IFFO1: variants seen among roughly 807,000 people sequenced by gnomAD.
IFFO1 encodes the protein non-homologous end joining factor IFFO1.
IFFO1 carries 42 observed loss-of-function variants against 59.6 expected under a neutral mutation model. The ratio of observed to expected loss-of-function variants is 0.70; its 90% CI spans 0.55 to 0.91. The LOEUF is 0.91. Ranked by LOEUF, IFFO1 falls within the 40% of genes least tolerant of loss-of-function variation. The pLI, the probability that IFFO1 is intolerant of heterozygous loss-of-function variation, is 0.00. For missense variants in IFFO1, 711 were observed against 793.2 expected (o/e 0.90, Z 1.24); for synonymous variants, 336 against 342.8 (o/e 0.98, Z 0.22).
chr12:6,548,976 T>C lies in IFFO1; in HGVS notation c.1081-127A>G, dbSNP rs1947107769. 1.8e-5 allele frequency: 14 copies of C among 780,904 alleles called. 1 individual carries two copies. In the South Asian group the frequency reaches 2.5e-4, roughly 14 times the overall value. The allele number at this position is 780,904 out of a possible 1,614,324, so 48.4% of individuals were successfully genotyped here. On this transcript the variant is annotated intron_variant, in intron 5 of 9. Transcript: ENST00000619571. This position sits in a 1 kb window ranked among gnomAD's most constrained non-coding sequence, Gnocchi z 6.1. The stretch of plus-strand genomic sequence containing the variant: ...GGCAGACAGAGAGAAAAGTCACAGT[T>C]ACAATGACAGGAACAGAAACACGGA...
chr12:6,549,717 C>A lies in IFFO1; in HGVS notation c.1071+39G>T, dbSNP rs759750811. On this transcript the variant is annotated intron_variant, in intron 4 of 9. Transcript: ENST00000619571. This position sits in a 1 kb window ranked among gnomAD's most constrained non-coding sequence, Gnocchi z 5.0. ...GCCGCCACGGAAGCATCCACCTGCC[C>A]CACCCACCCCTGAGAGCAGAGGGCA... 6.3e-7 allele frequency: 1 copy of A among 1,590,034 alleles called. No homozygotes were observed. Among genetic ancestry groups the A allele is most frequent in the Non-Finnish European group, 8.6e-7 (1 of 1,162,920 alleles).
chr12:6,550,396 G>A (rs1592219018), intron 3 of IFFO1: 2 of 503,522 alleles, frequency 4.0e-6, no homozygotes, highest in Non-Finnish European at 7.2e-6. Flanking sequence ...GGCCTCAGAG[G>A]CTGAGGAATC....
rs1946701497 is a variant in IFFO1 at position 6,541,354 on chromosome 12, A to C, written c.1610+158T>G. Among the ~76,000 whole-genome samples, 1 of 152,094 alleles carries C rather than the reference A, an allele frequency of 6.6e-6. No homozygotes were observed. The highest frequency in any genetic ancestry group is 2.4e-5 in the African/African-American group (1 of 41,422). ...AGCTCATCCAACTGCCAAGGGAGAG[A>C]GCTGTGGGTCTGGGCCAGCCCCACC... On this transcript the variant is annotated intron_variant, in intron 9 of 9. Coordinates refer to ENST00000619571, the MANE Select transcript of IFFO1 (RefSeq NM_001193457.2). This position sits in a 1 kb window ranked among gnomAD's most constrained non-coding sequence, Gnocchi z 4.8.
chr12:6,550,422 C>T (rs1947181329), intron 3 of IFFO1: 3 of 523,028 alleles, frequency 5.7e-6, no homozygotes, highest in South Asian at 2.5e-5. Flanking sequence ...AGCGCCCCGG[C>T]GCCAGCTGCA....
rs1028946205 is a variant in IFFO1 at position 6,550,464 on chromosome 12, G to A, written c.930+231C>T. On this transcript the variant is annotated intron_variant, in intron 3 of 9. Transcript: ENST00000619571. ...CCACCCCAGAAGCTGCTCACTAACT[G>A]CTCTGCAACCCCAGGCCCTCAGAAG... 5.3e-6 allele frequency: 3 copies of A among 568,442 alleles called. No homozygotes were observed. In the East Asian group the frequency reaches 8.6e-5, roughly 16 times the overall value. 35.2% of individuals were successfully genotyped at this position (568,442 alleles called of 1,614,324 possible).
In IFFO1 at chr12:6,548,462, G is replaced by A; in HGVS notation, c.1346C>T (p.Ser449Leu). 6.2e-7 allele frequency: 1 copy of A among 1,613,938 alleles called. No individual in the cohort carries two copies. The highest frequency in any genetic ancestry group is 8.5e-7 in the Non-Finnish European group (1 of 1,179,868). Reference protein sequence around the residue: ...EETLLLWEDFSGYAMAAAEAQ... With the variant: ...EETLLLWEDFLGYAMAAAEAQ... Reference sequence around the variant, plus strand: ...CTCTGCAGCTGCCATGGCATAGCCTGAGAAATCCTCCCAAAGCAGCAGGGT... The same window carrying A: ...CTCTGCAGCTGCCATGGCATAGCCTAAGAAATCCTCCCAAAGCAGCAGGGT... Residue 449 changes from serine to leucine, a missense_variant, in exon 7 of 10, where the codon TCA becomes TTA. Around this residue, in one of 3 missense-constraint regions of IFFO1, gnomAD observed 579 missense variants for 650.3 expected, o/e 0.89. Transcript: ENST00000619571. This position sits in a 1 kb window ranked among gnomAD's most constrained non-coding sequence, Gnocchi z 6.1.
chr12:6,541,738 C>A lies in IFFO1; in HGVS notation c.1480-96G>T. 1 of 1,517,192 alleles carries A rather than the reference C, an allele frequency of 6.6e-7. No homozygotes were observed. Among genetic ancestry groups the A allele is most frequent in the African/African-American group, 1.4e-5 (1 of 72,994 alleles). The allele number at this position is 1,517,192 out of a possible 1,614,324, so 94.0% of individuals were successfully genotyped here. A position where few individuals can be genotyped will look rare whatever the true frequency, so the allele number is the denominator to read the frequency against. ...GAGGCCAACACGCCAAGAGCAGTGGCTGGGCCGGGGGCCCAGGCAGCCATT... is the reference window on the plus strand; with the variant it reads ...GAGGCCAACACGCCAAGAGCAGTGGATGGGCCGGGGGCCCAGGCAGCCATT... On this transcript the variant is annotated intron_variant, in intron 8 of 9. Coordinates refer to ENST00000619571, the MANE Select transcript of IFFO1 (RefSeq NM_001193457.2). The surrounding 1 kb of genome is among the most constrained non-coding windows in gnomAD (Gnocchi z 4.8).
At chr12:6,551,489 A>G (rs1045686965) in intron 1 of IFFO1, 6 of 1,290,790 alleles carry the variant, frequency 4.6e-6, no homozygotes, top group Non-Finnish European at 6.1e-6. Flanking sequence ...GTATCATTTA[A>G]CCCTGTAAAA....
At chr12:6,545,355 A>C (rs1946903629) in intron 8 of IFFO1, among the ~76,000 whole-genome samples, 1 of 152,106 alleles carries the variant, frequency 6.6e-6, no homozygotes, top group African/African-American at 2.4e-5. Flanking sequence ...AGAAATAAAC[A>C]ATTCCTAAGT....
In IFFO1 at chr12:6,540,370, A is replaced by AG. The variant is rs1394477663; in HGVS notation, c.*112dup. 1 of 886,658 alleles carries AG rather than the reference A, an allele frequency of 1.1e-6. No individual in the cohort carries two copies. Among genetic ancestry groups the AG allele is most frequent in the Non-Finnish European group, 1.9e-6 (1 of 534,484 alleles). The allele number at this position is 886,658 out of a possible 1,614,324, so 54.9% of individuals were successfully genotyped here. A position where few individuals can be genotyped will look rare whatever the true frequency, so the allele number is the denominator to read the frequency against. On this transcript the variant is annotated 3_prime_UTR_variant, in exon 10 of 10. Transcript: ENST00000619571. ...CTGAGGGAGGAGCGCCCCAGTCCCC[A>AG]GGGACCGGCCTGGTGCAGAGCTGCA... is the stretch of plus-strand genomic sequence containing the variant.
At position 6,555,869 on chromosome 12, in the gene IFFO1, G is replaced by A; in HGVS notation, c.161C>T (p.Pro54Leu). 3.7e-6 allele frequency: 6 copies of A among 1,606,380 alleles called. No homozygotes were observed. Among genetic ancestry groups the A allele is most frequent in the Non-Finnish European group, 5.1e-6 (6 of 1,177,936 alleles). ...GGCAGGCGGGGCCGGGCCCGGCCCG[G>A]GCGGCGAGTAGGCAGCAGGGCCGGC... ...SPAGPAAYSPPGPGPAPPAAM... is the reference protein window; with the variant it reads ...SPAGPAAYSPLGPGPAPPAAM... The change falls in exon 1 of 10, where the codon CCC becomes CTC. Residue 54 changes from proline (P) to leucine (L), a missense_variant. This residue lies in a region of IFFO1 where 114 missense variants were observed against 102.4 expected (regional missense o/e 1.11). Transcript: ENST00000619571. The surrounding 1 kb of genome is among the most constrained non-coding windows in gnomAD (Gnocchi z 8.6).
At chr12:6,551,595 C>A (rs1947238558) in intron 1 of IFFO1, 1 of 658,926 alleles carries the variant, frequency 1.5e-6, no homozygotes, top group South Asian at 1.5e-5. Context: ...AACTACCCAC[C>A]CAGAGCCTCC....
intron 1 of IFFO1, among the ~76,000 whole-genome samples, chr12:6,554,172 G>A (rs763155231): frequency 1.6e-4 from 24 of 151,800 alleles, no homozygotes; most frequent in Non-Finnish European, 3.2e-4. Flanking sequence ...AGACCCAGCG[G>A]TCATTTCCTA....
intron 1 of IFFO1, among the ~76,000 whole-genome samples, chr12:6,554,081 T>TG (rs1415060361): frequency 1.4e-5 from 2 of 143,444 alleles, no homozygotes; most frequent in East Asian, 1.9e-4. Context: ...TTATCATTTA[T>TG]GGGAAAAAAA....
At chr12:6,547,684 A>G (rs1307205889) in intron 8 of IFFO1, among the ~76,000 whole-genome samples, 2 of 151,796 alleles carry the variant, frequency 1.3e-5, no homozygotes, top group South Asian at 2.1e-4. Context: ...TTGTCTCAAA[A>G]AAGAAAGGAC....
At chr12:6,547,775 G>A (rs530333237) in intron 8 of IFFO1, among the ~76,000 whole-genome samples, 33 of 147,180 alleles carry the variant, frequency 2.2e-4, no homozygotes, top group Non-Finnish European at 3.6e-4. Context: ...AAGGAAGGAA[G>A]GAAAGAAAGG....
At chr12:6,543,175 T>C (rs944389218) in intron 8 of IFFO1, among the ~76,000 whole-genome samples, 1 of 152,164 alleles carries the variant, frequency 6.6e-6, no homozygotes, top group Non-Finnish European at 1.5e-5. Flanking sequence ...TTGCTCCATC[T>C]TAGTGACCCT....
Position 6,555,451 on chromosome 12 carries a change from G to A in IFFO1, c.579C>T (p.Pro193=), listed in dbSNP as rs530504239. Residue 193 remains proline, a synonymous_variant, in exon 1 of 10, where the codon CCC becomes CCT. Coordinates refer to ENST00000619571, the MANE Select transcript of IFFO1 (RefSeq NM_001193457.2). This position sits in a 1 kb window ranked among gnomAD's most constrained non-coding sequence, Gnocchi z 8.6. ...CGTGCGAGAACGACCAGATGGTGCCGGGCATGAAGCGGGCCGACGAGGAAT... is the reference window on the plus strand; with the variant it reads ...CGTGCGAGAACGACCAGATGGTGCCAGGCATGAAGCGGGCCGACGAGGAAT... ...TTYSSSARFM[P]GTIWSFSHAR... is the part of the protein sequence containing the mutation. 4.5e-5 allele frequency: 72 copies of A among 1,613,804 alleles called. No individual in the cohort carries two copies. The South Asian group carries it at 7.2e-4, about 16-fold the overall frequency.
Position 6,549,558 on chromosome 12 carries a change from G to T in IFFO1, c.1072-74C>A. 7.9e-7 allele frequency: 1 copy of T among 1,266,770 alleles called. No homozygotes were observed. The highest frequency in any genetic ancestry group is 1.2e-5 in the South Asian group (1 of 83,546). The allele number at this position is 1,266,770 out of a possible 1,614,324, so 78.5% of individuals were successfully genotyped here. A position where few individuals can be genotyped will look rare whatever the true frequency, so the allele number is the denominator to read the frequency against. ...AGACAGAGGAGAGAGAGGGGGAAGGGAGAGACGGCGTTAGAGACAGCTTCC... is the reference window on the plus strand; with the variant it reads ...AGACAGAGGAGAGAGAGGGGGAAGGTAGAGACGGCGTTAGAGACAGCTTCC... On this transcript the variant is annotated intron_variant, in intron 4 of 9. Transcript: ENST00000619571. This position sits in a 1 kb window ranked among gnomAD's most constrained non-coding sequence, Gnocchi z 5.0.
Sources: allele counts gnomAD v4.1 joint callset (sites outside exome capture counted in the v4.1 genomes callset), GRCh38; gene constraint gnomAD v4.1.1; regional missense constraint gnomAD v4.1.1; non-coding constraint Gnocchi (gnomAD v3.1); transcripts MANE v1.5; gene names NCBI Gene and HGNC (gene_info 2026-07-23, HGNC 2026-07-21).